NBR1: variants seen among roughly 807,000 people sequenced by gnomAD.
NBR1 encodes NBR1 autophagy cargo receptor, also known as next to BRCA1 gene 1 protein.
A neutral mutation model predicts 115.5 loss-of-function variants in NBR1; 59 were observed. The ratio of observed to expected loss-of-function variants is 0.51; its 90% CI spans 0.41 to 0.63. The LOEUF (loss-of-function observed/expected upper bound fraction) is 0.63. Among genes scored for constraint, NBR1 ranks in the 30% least tolerant of loss-of-function variants. The probability of loss-of-function intolerance (pLI) is 0.00; values close to 1 mark genes in which losing one functional copy is unlikely to be tolerated. For missense variants in NBR1, 1,043 were observed against 1,150.5 expected, an observed-to-expected ratio of 0.91 and a Z score of 1.35; for synonymous variants, 373 against 414.7, an observed-to-expected ratio of 0.90 and a Z score of 1.22.
intron 14 of NBR1, 61 bp from the exon 15 acceptor site, chr17:43,196,420 C>CTT: frequency 9.7e-7 from 1 of 1,028,764 alleles, no homozygotes; most frequent in Non-Finnish European, 1.4e-6. Context: ...CTTCTGGACA[C>CTT]TGACTGTTGA....
chr17:43,180,486 C>CT (rs2056634823), intron 4 of NBR1, among the ~76,000 whole-genome samples: 1 of 152,186 alleles, frequency 6.6e-6, no homozygotes, highest in Admixed American at 6.6e-5. Context: ...GCAATGGTTA[C>CT]TGTAGTGAAG....
At chr17:43,201,840 A>G in intron 18 of NBR1, 60 bp downstream of exon 18, 1 of 946,394 alleles carries the variant, frequency 1.1e-6, no homozygotes, top group Non-Finnish European at 1.7e-6. Flanking sequence ...GAAACCAGGT[A>G]TAAATAGCCT....
chr17:43,200,959 C>T (rs1043343794), intron 17 of NBR1, among the ~76,000 whole-genome samples: 1 of 150,370 alleles, frequency 6.7e-6, no homozygotes, highest in Admixed American at 6.6e-5. Context: ...ACCTCTGCCT[C>T]TGAGGCTCAA....
intron 20 of NBR1, among the ~76,000 whole-genome samples, chr17:43,205,170 A>G (rs1425742556): frequency 1.3e-5 from 2 of 152,132 alleles, no homozygotes; most frequent in African/African-American, 2.4e-5. Flanking sequence ...CCTGGCCAAC[A>G]TGATGAAACC....
intron 20 of NBR1, among the ~76,000 whole-genome samples, chr17:43,204,831 A>AG (rs1555613143): frequency 6.7e-6 from 1 of 148,744 alleles, no homozygotes. Flanking sequence ...AAAAAAAAAA[A>AG]GTATGATGGC....
chr17:43,190,439 A>G (rs2056916239), intron 8 of NBR1, 170 bp from the exon 9 acceptor site: 1 of 670,260 alleles, frequency 1.5e-6, no homozygotes, highest in Non-Finnish European at 2.6e-6. Flanking sequence ...GTTAAGTGTT[A>G]TTATCCTCAT....
chr17:43,201,354 T>C (rs1053239961), intron 17 of NBR1, among the ~76,000 whole-genome samples: 1 of 152,258 alleles, frequency 6.6e-6, no homozygotes, highest in African/African-American at 2.4e-5. Context: ...TGAATCATTC[T>C]TGTCTCCTAA....
At chr17:43,184,227 C>A (rs2056744655) in intron 5 of NBR1, among the ~76,000 whole-genome samples, 1 of 137,394 alleles carries the variant, frequency 7.3e-6, no homozygotes, top group Non-Finnish European at 1.6e-5. Context: ...GATTTTTAAA[C>A]TTTTTTTTTT....
chr17:43,202,117 T>G (rs1252929853), intron 18 of NBR1, among the ~76,000 whole-genome samples: 1 of 146,402 alleles, frequency 6.8e-6, no homozygotes, highest in Non-Finnish European at 1.5e-5. Flanking sequence ...GAGGCGGAGG[T>G]TGGAGTGAGC....
At chr17:43,203,467 A>C (rs2057246884) in intron 19 of NBR1, among the ~76,000 whole-genome samples, 1 of 152,202 alleles carries the variant, frequency 6.6e-6, no homozygotes, top group Admixed American at 6.5e-5. Flanking sequence ...TGTTTCCTGC[A>C]GTGCCCCTAT....
At chr17:43,182,487 C>T (rs2056695897) in intron 5 of NBR1, among the ~76,000 whole-genome samples, 1 of 151,712 alleles carries the variant, frequency 6.6e-6, no homozygotes, top group Non-Finnish European at 1.5e-5. Context: ...TGCCAAGGTG[C>T]TGGGATTACA....
At position 43,210,402 on chromosome 17, in the gene NBR1, T is replaced by C. The variant is rs2057397237; in HGVS notation, c.*328T>C. On this transcript the variant is annotated 3_prime_UTR_variant, in exon 21 of 21. Transcript: ENST00000590996. ...TGCTTTTATTGAAACTGAGTATTTT[T>C]CTTTGGCTAATGTGGATTTTTTATG... The C allele has an allele frequency of 2.5e-6, 1 of 395,810 alleles. No homozygotes were observed. Among genetic ancestry groups the C allele is most frequent in the Non-Finnish European group, 4.4e-6 (1 of 225,024 alleles). The allele number at this position is 395,810 out of a possible 1,614,324, so 24.5% of individuals were successfully genotyped here. A position where few individuals can be genotyped will look rare whatever the true frequency, so the allele number is the denominator to read the frequency against.
intron 20 of NBR1, among the ~76,000 whole-genome samples, chr17:43,205,280 G>A (rs2057292096): frequency 6.6e-6 from 1 of 152,090 alleles, no homozygotes; most frequent in Admixed American, 6.6e-5. Flanking sequence ...CTTGAACCTG[G>A]GAGGTGGAGG....
Position 43,200,381 on chromosome 17 carries a change from G to A in NBR1, c.2241G>A (p.Gly747=). ...GCTTTGATACCAGCCGCCCCCTGGG[G>A]GATTCTATGTACAGCTCTGCGCTCT... ...PECFDTSRPL[G]DSMYSSALSQ... The change falls in exon 17 of 21, where the codon GGG becomes GGA. Residue 747 remains glycine, a synonymous_variant. Coordinates refer to ENST00000590996, the MANE Select transcript of NBR1 (RefSeq NM_005899.5). 6.3e-7 allele frequency: 1 copy of A among 1,581,380 alleles called. No individual in the cohort carries two copies. Among genetic ancestry groups the A allele is most frequent in the Non-Finnish European group, 8.6e-7 (1 of 1,163,842 alleles).
intron 15 of NBR1, 42 bp downstream of exon 15, chr17:43,196,633 T>C: frequency 7.2e-7 from 1 of 1,379,824 alleles, no homozygotes. Context: ...ATCCTCCCTT[T>C]CCATATCATA....
chr17:43,202,556 A>T, intron 18 of NBR1, 99 bp from the exon 19 acceptor site: 1 of 736,854 alleles, frequency 1.4e-6, no homozygotes, highest in Non-Finnish European at 2.2e-6. Context: ...AAACACTGTG[A>T]TCAGATTGCC....
chr17:43,184,413 T>TAG (rs1337761339), intron 5 of NBR1, among the ~76,000 whole-genome samples: 1 of 135,838 alleles, frequency 7.4e-6, no homozygotes, highest in East Asian at 2.3e-4. Flanking sequence ...TTGCCCAAGC[T>TAG]AGAGTGCAGT....
chr17:43,194,144 T>G (rs2057013986), intron 12 of NBR1, among the ~76,000 whole-genome samples: 1 of 152,242 alleles, frequency 6.6e-6, no homozygotes, highest in Admixed American at 6.5e-5. Context: ...ATAGTTAATA[T>G]AAGTTATCGT....
intron 16 of NBR1, among the ~76,000 whole-genome samples, chr17:43,199,803 C>G (rs2057154386): frequency 6.6e-6 from 1 of 152,146 alleles, no homozygotes. Context: ...CATCTCCTAA[C>G]TTTTTCTCTT....
Sources: gnomAD v4.1 joint callset for allele counts (sites outside exome capture counted in the v4.1 genomes callset) on GRCh38, gnomAD v4.1.1 for gene constraint, MANE v1.5 for transcripts, NCBI Gene and HGNC (gene_info 2026-07-23, HGNC 2026-07-21) for gene names.